KCNQ5: variants seen among roughly 807,000 people sequenced by gnomAD.
KCNQ5 encodes potassium voltage-gated channel subfamily KQT member 5.
Under a neutral mutation model 98.2 loss-of-function variants are expected in KCNQ5, and 30 were observed. That is an observed-to-expected ratio of 0.31 (90% CI 0.23 to 0.41). KCNQ5 has a LOEUF of 0.41. Ranked by LOEUF, KCNQ5 falls within the 10% of genes least tolerant of loss-of-function variation. KCNQ5 has a pLI of 1.00. For synonymous variants in KCNQ5, 458 were observed against 449.4 expected (o/e 1.02, Z -0.24); for missense variants, 835 against 1,182.5 (o/e 0.71, Z 4.31).
chr6:72,768,199 T>C (rs1772675781), intron 1 of KCNQ5, among the ~76,000 whole-genome samples: 1 of 151,876 alleles, frequency 6.6e-6, no homozygotes, highest in African/African-American at 2.4e-5. Context: ...AGGTACAGGA[T>C]TTCTTTTAGA....
At chr6:73,057,101 G>A (rs927649949) in intron 3 of KCNQ5, among the ~76,000 whole-genome samples, 4 of 152,070 alleles carry the variant, frequency 2.6e-5, no homozygotes, top group African/African-American at 9.7e-5. Context: ...ATGATAGACT[G>A]GATTAAGAAA....
chr6:73,028,588 T>G (rs1770995994), intron 2 of KCNQ5, among the ~76,000 whole-genome samples: 1 of 152,172 alleles, frequency 6.6e-6, no homozygotes, highest in Admixed American at 6.5e-5. Context: ...CTCTATCACT[T>G]TACATCTATT....
chr6:73,178,014 A>G (rs1778278305), intron 11 of KCNQ5, among the ~76,000 whole-genome samples: 1 of 152,204 alleles, frequency 6.6e-6, no homozygotes, highest in African/African-American at 2.4e-5. Context: ...TTATTTGCTA[A>G]AAATATAGAA....
intron 11 of KCNQ5, among the ~76,000 whole-genome samples, chr6:73,175,747 C>T (rs1315313462): frequency 1.3e-5 from 2 of 152,172 alleles, no homozygotes; most frequent in African/African-American, 4.8e-5. Flanking sequence ...AAGATGGATC[C>T]CTGCTTAGAG....
intron 1 of KCNQ5, among the ~76,000 whole-genome samples, chr6:72,999,349 C>T (rs973366529): frequency 2.0e-5 from 3 of 152,084 alleles, no homozygotes; most frequent in African/African-American, 7.2e-5. Context: ...TAATCAGTGC[C>T]TTCCAAATAA....
intron 1 of KCNQ5, among the ~76,000 whole-genome samples, chr6:72,695,922 A>G (rs1435066977): frequency 6.6e-6 from 1 of 152,190 alleles, no homozygotes; most frequent in Non-Finnish European, 1.5e-5. Flanking sequence ...AGAAAAGGTA[A>G]CAATTTTTTT....
At position 72,765,200 on chromosome 6, in the gene KCNQ5, GT is replaced by G. The variant is rs1297035738; in HGVS notation, c.398+142617del. On this transcript the variant is annotated intron_variant, in intron 1 of 13. Coordinates refer to ENST00000370398, the MANE Select transcript of KCNQ5 (RefSeq NM_019842.4). ...TAGTTTTTTGAGAATCCTTCGAATT[GT>G]TTTCCATAGTGGTTGTACTAATTTA... 2.0e-5 allele frequency among the ~76,000 whole-genome samples: 3 copies of G among 151,970 alleles called. No homozygotes were observed. The East Asian group carries it at 5.8e-4, about 29-fold the overall frequency.
At chr6:72,878,812 A>T (rs186938564) in intron 1 of KCNQ5, among the ~76,000 whole-genome samples, 78 of 152,276 alleles carry the variant, frequency 5.1e-4, no homozygotes, top group African/African-American at 1.8e-3. Context: ...CTTTCAGACT[A>T]TCGTTCTTTC....
chr6:73,137,581 T>C (rs1279773861), intron 10 of KCNQ5, among the ~76,000 whole-genome samples: 1 of 152,214 alleles, frequency 6.6e-6, no homozygotes, highest in Non-Finnish European at 1.5e-5. Flanking sequence ...ATAATAATGA[T>C]AAAACGAACA....
intron 1 of KCNQ5, among the ~76,000 whole-genome samples, chr6:72,857,861 G>T (rs890651930): frequency 6.6e-6 from 1 of 152,200 alleles, no homozygotes; most frequent in Non-Finnish European, 1.5e-5. Flanking sequence ...AAGAATAAAA[G>T]TATGTTCACT....
At chr6:72,870,949 T>C (rs1286078875) in intron 1 of KCNQ5, among the ~76,000 whole-genome samples, 4 of 152,224 alleles carry the variant, frequency 2.6e-5, no homozygotes, top group Non-Finnish European at 5.9e-5. Context: ...AAATTTTTCC[T>C]TTCATGTTTT....
At chr6:72,903,323 A>G (rs1332205435) in intron 1 of KCNQ5, among the ~76,000 whole-genome samples, 3 of 151,888 alleles carry the variant, frequency 2.0e-5, no homozygotes, top group African/African-American at 7.2e-5. Flanking sequence ...TTTGTTTCAA[A>G]TTCATTTAGT....
At chr6:72,629,230 A>G (rs1001768514) in intron 1 of KCNQ5, among the ~76,000 whole-genome samples, 2 of 152,154 alleles carry the variant, frequency 1.3e-5, no homozygotes, top group Admixed American at 6.5e-5. Context: ...CTACCTACAT[A>G]TATATTCTAT....
At chr6:72,636,217 T>C (rs1404072592) in intron 1 of KCNQ5, among the ~76,000 whole-genome samples, 1 of 152,212 alleles carries the variant, frequency 6.6e-6, no homozygotes, top group Non-Finnish European at 1.5e-5. Context: ...AGTCCAAATA[T>C]ATTTGTAACA....
At chr6:73,005,935 A>G (rs1769792826) in intron 2 of KCNQ5, among the ~76,000 whole-genome samples, 1 of 151,944 alleles carries the variant, frequency 6.6e-6, no homozygotes, top group South Asian at 2.2e-4. Flanking sequence ...ACTGCATTGC[A>G]GAGCTAAGAT....
chr6:72,648,235 G>T (rs1434182293), intron 1 of KCNQ5, among the ~76,000 whole-genome samples: 1 of 152,106 alleles, frequency 6.6e-6, no homozygotes, highest in Non-Finnish European at 1.5e-5. Context: ...CAAGAACTGA[G>T]GATCACTTCT....
intron 3 of KCNQ5, among the ~76,000 whole-genome samples, chr6:73,051,202 C>T (rs1252415924): frequency 6.6e-6 from 1 of 152,220 alleles, no homozygotes; most frequent in East Asian, 1.9e-4. Flanking sequence ...CTGCCCCACG[C>T]TGCCACTGCT....
chr6:73,185,946 C>T (rs1219048402), intron 11 of KCNQ5, among the ~76,000 whole-genome samples: 3 of 152,124 alleles, frequency 2.0e-5, no homozygotes, highest in Non-Finnish European at 4.4e-5. Flanking sequence ...ATCTATGGGC[C>T]AAGTGCAGTG....
intron 10 of KCNQ5, among the ~76,000 whole-genome samples, chr6:73,141,371 G>C (rs1582433598): frequency 6.6e-6 from 1 of 152,134 alleles, no homozygotes; most frequent in Non-Finnish European, 1.5e-5. Flanking sequence ...ACCATAACAG[G>C]TTGCTTCTTC....
Sources: gnomAD v4.1 joint callset for allele counts (sites outside exome capture counted in the v4.1 genomes callset) on GRCh38, gnomAD v4.1.1 for gene constraint, MANE v1.5 for transcripts, NCBI Gene and HGNC (gene_info 2026-07-23, HGNC 2026-07-21) for gene names.